CCDC102B: variants seen among roughly 807,000 people sequenced by gnomAD.
The protein encoded by CCDC102B is coiled-coil domain containing 102B.
In CCDC102B, 75 loss-of-function variants were observed where a neutral mutation model predicts 57.4. The ratio of observed to expected loss-of-function variants is 1.31; its 90% CI spans 1.08 to 1.58. CCDC102B has a LOEUF of 1.58. Among genes scored for constraint, CCDC102B ranks in the 40% most tolerant of loss-of-function variants. The pLI, the probability that CCDC102B is intolerant of heterozygous loss-of-function variation, is 0.00. For missense variants in CCDC102B, 636 were observed against 582.6 expected (o/e 1.09, Z -0.94); for synonymous variants, 206 against 201.9 (o/e 1.02, Z -0.17).
In CCDC102B at chr18:68,761,470, C is replaced by G. The variant is rs183634433; in HGVS notation, c.-67+44876C>G. 2.9e-3 allele frequency among the ~76,000 whole-genome samples: 434 copies of G among 151,858 alleles called. 1 individual carries two copies. The highest frequency in any genetic ancestry group is 0.01 in the African/African-American group (416 of 41,482). ...CAATATTTGAGATATGTTGAAATCT[C>G]CCACTCTGAGTGTGAATTTGTCAAA... is the stretch of plus-strand genomic sequence containing the variant. On this transcript the variant is annotated intron_variant, in intron 2 of 3. Coordinates refer to the CCDC102B transcript ENST00000578970.
chr18:68,923,403 G>C (rs561224687), intron 6 of CCDC102B, among the ~76,000 whole-genome samples: 48 of 151,766 alleles, frequency 3.2e-4, no homozygotes, highest in African/African-American at 1.1e-3. Flanking sequence ...CAGTGTGTAT[G>C]ACACCAACAT....
At chr18:68,981,509 C>T (rs765359499) in intron 6 of CCDC102B, among the ~76,000 whole-genome samples, 24 of 151,880 alleles carry the variant, frequency 1.6e-4, no homozygotes, top group African/African-American at 4.8e-5. Context: ...TTTGGAATTA[C>T]GATTTGTCCT....
chr18:68,787,595 G>A (rs1381125354), intron 2 of CCDC102B, among the ~76,000 whole-genome samples: 2 of 151,424 alleles, frequency 1.3e-5, no homozygotes, highest in Non-Finnish European at 2.9e-5. Flanking sequence ...ATTTCTTCTA[G>A]ATTTTCTAGT....
chr18:68,869,364 G>A (rs894987619), intron 4 of CCDC102B, among the ~76,000 whole-genome samples: 2 of 152,178 alleles, frequency 1.3e-5, no homozygotes, highest in African/African-American at 2.4e-5. Context: ...GCCCAAGGAA[G>A]AGAGTCTTTG....
intron 6 of CCDC102B, among the ~76,000 whole-genome samples, chr18:68,932,773 C>G (rs1249524505): frequency 6.6e-6 from 1 of 151,876 alleles, no homozygotes; most frequent in Non-Finnish European, 1.5e-5. Flanking sequence ...CAATCTGTAC[C>G]TTAATTTCAT....
At position 68,746,044 on chromosome 18, in the gene CCDC102B, G is replaced by A. The variant is rs1208624808; in HGVS notation, c.-67+29450G>A. Among the ~76,000 whole-genome samples the A allele has an allele frequency of 2.6e-5, 4 of 152,138 alleles. No individual in the cohort carries two copies. In the East Asian group the frequency reaches 7.7e-4, roughly 29 times the overall value. ...AGTCATACTATTTACATGGTCATGT[G>A]ATTCATCCAACCACAGACAGAGTAG... is the stretch of plus-strand genomic sequence containing the variant. On this transcript the variant is annotated intron_variant, in intron 2 of 3. Coordinates refer to the CCDC102B transcript ENST00000578970.
intron 1 of CCDC102B, among the ~76,000 whole-genome samples, chr18:68,808,467 A>G (rs1206018053): frequency 8.2e-6 from 1 of 121,218 alleles, no homozygotes; most frequent in East Asian, 2.4e-4. Flanking sequence ...TGCTTTTACT[A>G]CTTTTTTTTT....
At chr18:68,885,736 G>A (rs959389088) in intron 5 of CCDC102B, among the ~76,000 whole-genome samples, 1 of 151,976 alleles carries the variant, frequency 6.6e-6, no homozygotes, top group Admixed American at 6.6e-5. Flanking sequence ...CCTCTTTGCA[G>A]TTCACAAAAT....
intron 5 of CCDC102B, among the ~76,000 whole-genome samples, chr18:68,889,024 T>G (rs2039982163): frequency 2.9e-5 from 1 of 33,944 alleles, no homozygotes; most frequent in African/African-American, 1.1e-4. Flanking sequence ...CCAGTAGTTT[T>G]TCTTTGTTTT....
chr18:68,867,038 G>A, intron 4 of CCDC102B: 1 of 268,918 alleles, frequency 3.7e-6, no homozygotes, highest in Non-Finnish European at 7.4e-6. Flanking sequence ...AAGAGCTGAC[G>A]TTCCCAGCGT....
At chr18:68,780,861 AAATC>A (rs1218456472) in intron 2 of CCDC102B, among the ~76,000 whole-genome samples, 9 of 152,128 alleles carry the variant, frequency 5.9e-5, no homozygotes, top group African/African-American at 2.2e-4. Context: ...GAGGAGAATG[AAATC>A]AGTGTCAGAA....
intron 2 of CCDC102B, among the ~76,000 whole-genome samples, chr18:68,722,203 A>G (rs534434832): frequency 6.6e-6 from 1 of 152,272 alleles, no homozygotes; most frequent in African/African-American, 2.4e-5. Context: ...TTTGGCTGCT[A>G]TCTTTGCGGG....
At chr18:68,905,590 GTCTAGCCC>G (rs2040599877) in intron 6 of CCDC102B, among the ~76,000 whole-genome samples, 1 of 2,564 alleles carries the variant, frequency 3.9e-4, no homozygotes, top group Non-Finnish European at 9.2e-4. Flanking sequence ...GGACCGCCCT[GTCTAGCCC>G]TGTCTATTTA....
In CCDC102B at chr18:69,019,928, T is replaced by G. The variant is rs138642136; in HGVS notation, c.1434+8824T>G. ...TAGACTTATTATCATAAACAGGTGT[T>G]GAACTTCGTCAAAGGCATTTTCTGC... On this transcript the variant is annotated intron_variant, in intron 7 of 7. Transcript: ENST00000360242. Among the ~76,000 whole-genome samples, 10 of 152,268 alleles carry G rather than the reference T, an allele frequency of 6.6e-5. No homozygotes were observed. The East Asian group carries it at 1.9e-3, about 29-fold the overall frequency.
intron 1 of CCDC102B, among the ~76,000 whole-genome samples, chr18:68,821,969 A>G (rs1035456977): frequency 2.0e-5 from 3 of 152,200 alleles, no homozygotes; most frequent in East Asian, 1.9e-4. Context: ...TGATGAGTAT[A>G]AAGGATTTAC....
At chr18:68,926,544 G>T (rs1207478607) in intron 6 of CCDC102B, among the ~76,000 whole-genome samples, 1 of 151,834 alleles carries the variant, frequency 6.6e-6, no homozygotes, top group South Asian at 2.1e-4. Flanking sequence ...AGAAACACCT[G>T]CAATAGACAT....
At chr18:68,840,143 A>G (rs2037565001) in intron 3 of CCDC102B, among the ~76,000 whole-genome samples, 1 of 152,228 alleles carries the variant, frequency 6.6e-6, no homozygotes, top group African/African-American at 2.4e-5. Context: ...TCTAATATAT[A>G]AATAAGGTTC....
At position 68,809,443 on chromosome 18, in the gene CCDC102B, C is replaced by T. The variant is rs1028607052; in HGVS notation, c.-16+11262C>T. Among the ~76,000 whole-genome samples the T allele has an allele frequency of 2.4e-4, 37 of 152,008 alleles. 1 individual carries two copies. The highest frequency in any genetic ancestry group is 1.0e-4 in the Non-Finnish European group (7 of 67,978). On this transcript the variant is annotated intron_variant, in intron 1 of 7. Transcript: ENST00000360242. Reference sequence around the variant, plus strand: ...ATGGAATTCTGTTTTTTCCAGTTTTCGATGTACATAAAAACCTAATGAAAA... The same window carrying T: ...ATGGAATTCTGTTTTTTCCAGTTTTTGATGTACATAAAAACCTAATGAAAA...
At chr18:68,977,189 C>A (rs1370413150) in intron 6 of CCDC102B, among the ~76,000 whole-genome samples, 1 of 151,822 alleles carries the variant, frequency 6.6e-6, no homozygotes, top group African/African-American at 2.4e-5. Context: ...CCAGATTGAC[C>A]TTGATATGTT....
Sources: allele counts gnomAD v4.1 joint callset (sites outside exome capture counted in the v4.1 genomes callset), GRCh38; gene constraint gnomAD v4.1.1; transcripts MANE v1.5; gene names NCBI Gene and HGNC (gene_info 2026-07-23, HGNC 2026-07-21).